The following PCDH7 variants were observed in gnomAD, a reference collection of about 807,000 sequenced individuals.
The protein encoded by PCDH7 is protocadherin-7.
PCDH7 carries 17 observed loss-of-function variants against 58.9 expected under a neutral mutation model. The ratio of observed to expected loss-of-function variants is 0.29; its 90% CI spans 0.20 to 0.43. The LOEUF is 0.43. Ranked by LOEUF, PCDH7 falls within the 20% of genes least tolerant of loss-of-function variation. PCDH7 has a pLI of 1.00. For missense variants in PCDH7, 1,274 were observed against 1,441.0 expected (o/e 0.88, Z 1.88); for synonymous variants, 664 against 616.4 (o/e 1.08, Z -1.14).
At chr4:30,758,070 G>GA (rs945791371) in intron 1 of PCDH7, among the ~76,000 whole-genome samples, 3 of 151,936 alleles carry the variant, frequency 2.0e-5, no homozygotes, top group South Asian at 2.1e-4. Flanking sequence ...CAAATGTTAT[G>GA]AAAAAAAATG....
chr4:30,904,462 C>T (rs1020822917), intron 1 of PCDH7, among the ~76,000 whole-genome samples: 10 of 152,100 alleles, frequency 6.6e-5, no homozygotes, highest in Admixed American at 6.6e-4. Flanking sequence ...ATAATGGGCC[C>T]ACCCAGATGA....
At chr4:30,854,171 T>C (rs1733141103) in intron 1 of PCDH7, among the ~76,000 whole-genome samples, 1 of 151,218 alleles carries the variant, frequency 6.6e-6, no homozygotes, top group Non-Finnish European at 1.5e-5. Flanking sequence ...AAAATCACAG[T>C]TTCCCCCACC....
At chr4:30,848,561 TA>T (rs1254345220) in intron 1 of PCDH7, among the ~76,000 whole-genome samples, 1 of 152,106 alleles carries the variant, frequency 6.6e-6, no homozygotes, top group African/African-American at 2.4e-5. Flanking sequence ...TTGACTAAAT[TA>T]GTCTGGCATA....
chr4:30,937,283 C>G (rs1745474926), intron 2 of PCDH7, among the ~76,000 whole-genome samples: 1 of 151,990 alleles, frequency 6.6e-6, no homozygotes, highest in South Asian at 2.1e-4. Flanking sequence ...AAATTTTTCT[C>G]TCTGCTGAAT....
chr4:30,947,650 A>G (rs1746868289), intron 2 of PCDH7, among the ~76,000 whole-genome samples: 1 of 152,192 alleles, frequency 6.6e-6, no homozygotes, highest in South Asian at 2.1e-4. Flanking sequence ...ATCACATCAG[A>G]GTAATTAGCA....
At chr4:30,834,031 A>G (rs200177455) in intron 1 of PCDH7, among the ~76,000 whole-genome samples, 1 of 152,290 alleles carries the variant, frequency 6.6e-6, no homozygotes, top group East Asian at 1.9e-4. Flanking sequence ...AGAATCTTTA[A>G]AAATGTGCCA....
At chr4:30,853,938 A>C (rs1248801683) in intron 1 of PCDH7, among the ~76,000 whole-genome samples, 1 of 152,162 alleles carries the variant, frequency 6.6e-6, no homozygotes, top group South Asian at 2.1e-4. Context: ...TAAATCAACC[A>C]TGCAGCCCTG....
At chr4:31,006,698 G>T (rs1752790862) in intron 3 of PCDH7, among the ~76,000 whole-genome samples, 1 of 151,936 alleles carries the variant, frequency 6.6e-6, no homozygotes, top group Non-Finnish European at 1.5e-5. Flanking sequence ...TTCAAGACCA[G>T]CTTGACCAAC....
intron 2 of PCDH7, among the ~76,000 whole-genome samples, chr4:30,947,206 G>A (rs906391066): frequency 2.6e-5 from 4 of 152,030 alleles, no homozygotes; most frequent in African/African-American, 7.2e-5. Context: ...AGAAGAAGCC[G>A]ACTCTAGAGT....
chr4:30,976,892 A>C (rs1183569909), intron 3 of PCDH7, among the ~76,000 whole-genome samples: 1 of 152,190 alleles, frequency 6.6e-6, no homozygotes, highest in Admixed American at 6.5e-5. Context: ...TTATTTCATT[A>C]AAAATAATCA....
Position 30,972,820 on chromosome 4 carries a change from G to A in PCDH7, c.*7+22605G>A, listed in dbSNP as rs77109446. ...CCCCACTCTACCACACGGAGTGTCA[G>A]ACTCACTGGACAGCATAAACTCACA... On this transcript the variant is annotated intron_variant, in intron 3 of 3. Transcript: ENST00000509759. Among the ~76,000 whole-genome samples, 296 of 152,240 alleles carry A rather than the reference G, an allele frequency of 1.9e-3. 5 individuals carry two copies. The East Asian group carries it at 0.055, about 28-fold the overall frequency.
intron 1 of PCDH7, among the ~76,000 whole-genome samples, chr4:30,774,227 G>A (rs1278734529): frequency 3.3e-5 from 5 of 152,140 alleles, no homozygotes; most frequent in Non-Finnish European, 7.3e-5. Context: ...CTTGAGAACT[G>A]TCTTGTTCTC....
At chr4:30,902,261 A>G (rs1044338732) in intron 1 of PCDH7, among the ~76,000 whole-genome samples, 3 of 152,148 alleles carry the variant, frequency 2.0e-5, no homozygotes, top group African/African-American at 4.8e-5. Context: ...TTGTTGCAGT[A>G]TGTAAGTCTG....
At chr4:30,828,629 GT>G (rs1472361059) in intron 1 of PCDH7, among the ~76,000 whole-genome samples, 1 of 151,546 alleles carries the variant, frequency 6.6e-6, no homozygotes, top group Admixed American at 6.6e-5. Context: ...TGCCTCTTGT[GT>G]GCAAAAAAAC....
chr4:30,924,637 G>A (rs1397007298), intron 2 of PCDH7, among the ~76,000 whole-genome samples: 1 of 152,282 alleles, frequency 6.6e-6, no homozygotes, highest in South Asian at 2.1e-4. Flanking sequence ...TAGTAGGCCA[G>A]TGTGGGAGAC....
At chr4:31,064,076 C>T (rs1560614820) in intron 3 of PCDH7, among the ~76,000 whole-genome samples, 1 of 151,858 alleles carries the variant, frequency 6.6e-6, no homozygotes, top group African/African-American at 2.4e-5. Flanking sequence ...GGTAAAAAGA[C>T]CAAACATTAT....
intron 1 of PCDH7, among the ~76,000 whole-genome samples, chr4:30,759,302 A>AT (rs1263783335): frequency 6.6e-6 from 1 of 152,136 alleles, no homozygotes; most frequent in Non-Finnish European, 1.5e-5. Flanking sequence ...TTTATGGATA[A>AT]GAACAGAAAT....
At position 30,835,704 on chromosome 4, in the gene PCDH7, C is replaced by G. The variant is rs557848484; in HGVS notation, c.71-84449C>G. 1.7e-3 allele frequency among the ~76,000 whole-genome samples: 265 copies of G among 152,254 alleles called. 1 individual carries two copies. The highest frequency in any genetic ancestry group is 3.2e-3 in the Non-Finnish European group (219 of 68,014). On this transcript the variant is annotated intron_variant, in intron 1 of 3. Coordinates refer to the PCDH7 transcript ENST00000509759. ...AAAACATGTAACTTTGGGCCGCTCA[C>G]AGCCATTATGTATATTTCACCATCT...
At chr4:30,846,385 C>T (rs1430898104) in intron 1 of PCDH7, among the ~76,000 whole-genome samples, 1 of 152,104 alleles carries the variant, frequency 6.6e-6, no homozygotes, top group Non-Finnish European at 1.5e-5. Flanking sequence ...CTCTTGTACT[C>T]TCTTACCCTT....
Sources: allele counts gnomAD v4.1 joint callset (sites outside exome capture counted in the v4.1 genomes callset), GRCh38; gene constraint gnomAD v4.1.1; transcripts MANE v1.5; gene names NCBI Gene and HGNC (gene_info 2026-07-23, HGNC 2026-07-21).